ADAMTS17: variants seen among roughly 807,000 people sequenced by gnomAD.
The protein encoded by ADAMTS17 is A disintegrin and metalloproteinase with thrombospondin motifs 17.
Under a neutral mutation model 141.5 loss-of-function variants are expected in ADAMTS17, and 113 were observed. That is an observed-to-expected ratio of 0.80 (90% CI 0.69 to 0.93). The LOEUF is 0.93. ADAMTS17 is among the 40% of genes least tolerant of loss of function. The pLI is 0.00. For synonymous variants in ADAMTS17, 768 were observed against 630.6 expected, an observed-to-expected ratio of 1.22 and a Z score of -3.27; for missense variants, 1,659 against 1,517.9, an observed-to-expected ratio of 1.09 and a Z score of -1.54.
chr15:100,100,512 A>G (rs1234728594), intron 14 of ADAMTS17, among the ~76,000 whole-genome samples: 3 of 151,068 alleles, frequency 2.0e-5, no homozygotes, highest in Middle Eastern at 3.2e-3. Flanking sequence ...CTAGTTGGAC[A>G]CCCCCTGCCA....
At chr15:99,989,031 A>G (rs1395226865) in intron 20 of ADAMTS17, among the ~76,000 whole-genome samples, 1 of 152,188 alleles carries the variant, frequency 6.6e-6, no homozygotes, top group Non-Finnish European at 1.5e-5. Context: ...CAGGCCTTGG[A>G]GCCCAAAGAC....
chr15:100,102,287 A>AGATCTACATTTGAGGGCCGACCGAAGGG (rs2036148390), intron 14 of ADAMTS17, among the ~76,000 whole-genome samples: 1 of 144,916 alleles, frequency 6.9e-6, no homozygotes, highest in East Asian at 2.0e-4. Context: ...CGACCGAAGG[A>AGATCTACATTTGAGGGCCGACCGAAGGG]GATCTACATT....
intron 6 of ADAMTS17, among the ~76,000 whole-genome samples, 187 bp from the exon 7 acceptor site, chr15:100,254,366 C>T (rs1205815767): frequency 1.3e-5 from 2 of 152,186 alleles, no homozygotes; most frequent in African/African-American, 4.8e-5. Context: ...CGGGGTAGGT[C>T]CACTTACCCC....
intron 3 of ADAMTS17, among the ~76,000 whole-genome samples, chr15:100,319,916 G>T (rs143308052): frequency 3.9e-5 from 6 of 152,080 alleles, no homozygotes; most frequent in Non-Finnish European, 7.4e-5. Context: ...GGCAGCAAGA[G>T]CGAAACTCTG....
chr15:100,216,699 G>A (rs2041978765), intron 7 of ADAMTS17, among the ~76,000 whole-genome samples: 1 of 152,200 alleles, frequency 6.6e-6, no homozygotes, highest in African/African-American at 2.4e-5. Flanking sequence ...CTACCGGGAT[G>A]CTTTATCCAG....
At chr15:100,170,503 C>T (rs2040119992) in intron 8 of ADAMTS17, among the ~76,000 whole-genome samples, 1 of 152,222 alleles carries the variant, frequency 6.6e-6, no homozygotes, top group African/African-American at 2.4e-5. Context: ...AATCCAGCCA[C>T]AGAAACTTGA....
At chr15:100,206,842 G>C (rs2041588548) in intron 7 of ADAMTS17, among the ~76,000 whole-genome samples, 1 of 152,172 alleles carries the variant, frequency 6.6e-6, no homozygotes, top group African/African-American at 2.4e-5. Context: ...AGCTGTCTGA[G>C]GTGTGTGCCT....
chr15:100,063,508 T>G (rs2033278536), intron 15 of ADAMTS17: 3 of 427,242 alleles, frequency 7.0e-6, no homozygotes, highest in Non-Finnish European at 1.3e-5. Context: ...TGGCTGCATG[T>G]TAGTCAAATA....
At chr15:100,221,278 CT>C (rs34908375) in intron 7 of ADAMTS17, among the ~76,000 whole-genome samples, 10,184 of 147,854 alleles carry the variant, frequency 0.069, 1,032 homozygotes, top group African/African-American at 0.22. Flanking sequence ...ATAAACTTCA[CT>C]TTTTTTTTTT....
chr15:100,171,449 G>A (rs2040157050), intron 8 of ADAMTS17, among the ~76,000 whole-genome samples: 1 of 152,118 alleles, frequency 6.6e-6, no homozygotes, highest in African/African-American at 2.4e-5. Flanking sequence ...CAGGTTAGGG[G>A]GGCCTGAGGG....
intron 15 of ADAMTS17, among the ~76,000 whole-genome samples, chr15:100,082,458 G>A (rs2034806806): frequency 6.6e-6 from 1 of 151,118 alleles, no homozygotes. Flanking sequence ...TCAGCTAACT[G>A]TAACCTCTGC....
intron 18 of ADAMTS17, among the ~76,000 whole-genome samples, chr15:100,008,782 G>T (rs1325238593): frequency 6.6e-6 from 1 of 152,168 alleles, no homozygotes; most frequent in Non-Finnish European, 1.5e-5. Context: ...ACCCCTGGTG[G>T]GTCAGCCCTG....
chr15:100,302,966 T>A (rs1177363944), intron 3 of ADAMTS17, among the ~76,000 whole-genome samples: 1 of 151,966 alleles, frequency 6.6e-6, no homozygotes, highest in East Asian at 1.9e-4. Flanking sequence ...ATGCTTCCTG[T>A]CCTCAAACAT....
chr15:100,255,805 G>C (rs1385037819), intron 6 of ADAMTS17, among the ~76,000 whole-genome samples: 1 of 152,198 alleles, frequency 6.6e-6, no homozygotes, highest in Admixed American at 6.5e-5. Context: ...ATTTTGCAGA[G>C]AGCCAGCCCT....
chr15:100,264,031 C>G (rs2043624342), intron 4 of ADAMTS17, among the ~76,000 whole-genome samples: 1 of 152,210 alleles, frequency 6.6e-6, no homozygotes, highest in Non-Finnish European at 1.5e-5. Context: ...TCGAATTTTA[C>G]TCTTTGAAAA....
intron 15 of ADAMTS17, among the ~76,000 whole-genome samples, chr15:100,090,744 A>T (rs948577651): frequency 6.6e-6 from 1 of 152,140 alleles, no homozygotes; most frequent in African/African-American, 2.4e-5. Context: ...GCAGTGGCTC[A>T]CGCCTGTAAT....
At chr15:100,335,199 CG>C (rs2046172792) in intron 2 of ADAMTS17, among the ~76,000 whole-genome samples, 1 of 152,160 alleles carries the variant, frequency 6.6e-6, no homozygotes, top group African/African-American at 2.4e-5. Flanking sequence ...ACTGTAACGC[CG>C]GCTCAAGGTT....
rs936847083 is a variant in ADAMTS17, at chr15:99,997,262, T to C, written c.2796+123A>G. On this transcript the variant is annotated intron_variant, in intron 19 of 21. Coordinates refer to ENST00000268070, the MANE Select transcript of ADAMTS17 (RefSeq NM_139057.4). This position sits in a 1 kb window ranked among gnomAD's most constrained non-coding sequence, Gnocchi z 4.7. ...ATGGAAATTAAGAACACATGAGCTA[T>C]AACACAACTTCAAGCTGACCTGGGG... The C allele has an allele frequency of 1.6e-5, 17 of 1,067,496 alleles. No homozygotes were observed. Among genetic ancestry groups the C allele is most frequent in the Non-Finnish European group, 2.4e-5 (17 of 696,976 alleles). 66.1% of individuals were successfully genotyped at this position (1,067,496 alleles called of 1,614,324 possible).
At chr15:100,318,774 G>A (rs1010586269) in intron 3 of ADAMTS17, among the ~76,000 whole-genome samples, 6 of 152,208 alleles carry the variant, frequency 3.9e-5, no homozygotes, top group African/African-American at 1.4e-4. Flanking sequence ...CAACAATCCA[G>A]CAGTTGTTGG....
Sources: gnomAD v4.1 joint callset for allele counts (sites outside exome capture counted in the v4.1 genomes callset) on GRCh38, gnomAD v4.1.1 for gene constraint, Gnocchi (gnomAD v3.1) non-coding constraint, MANE v1.5 for transcripts, NCBI Gene and HGNC (gene_info 2026-07-23, HGNC 2026-07-21) for gene names.